Variants in RBMS3 observed in about 807,000 individuals in gnomAD.
RBMS3 encodes RNA-binding motif, single-stranded-interacting protein 3.
RBMS3 carries 27 observed loss-of-function variants against 66.8 expected under a neutral mutation model. The ratio of observed to expected loss-of-function variants is 0.40; its 90% confidence interval spans 0.30 to 0.56. The LOEUF is 0.56. Ranked by LOEUF, RBMS3 falls within the 20% of genes least tolerant of loss-of-function variation. RBMS3 has a pLI of 0.40. For missense variants in RBMS3, 513 were observed against 549.5 expected (o/e 0.93, Z 0.66); for synonymous variants, 188 against 183.0 (o/e 1.03, Z -0.22).
chr3:29,629,848 C>T (rs191982655), intron 4 of RBMS3, among the ~76,000 whole-genome samples: 210 of 152,194 alleles, frequency 1.4e-3, no homozygotes, highest in African/African-American at 5.0e-3. Context: ...ACGTGAATTT[C>T]TCAGTGTAAG....
intron 4 of RBMS3, among the ~76,000 whole-genome samples, chr3:29,632,669 A>T (rs368926200): frequency 1.3e-5 from 2 of 151,836 alleles, no homozygotes; most frequent in African/African-American, 4.8e-5. Context: ...AAGCCAAGGG[A>T]AATGACTAAA....
intron 8 of RBMS3, among the ~76,000 whole-genome samples, chr3:29,889,162 A>G (rs1258787132): frequency 6.6e-6 from 1 of 151,514 alleles, no homozygotes; most frequent in Non-Finnish European, 1.5e-5. Flanking sequence ...GGAACATCCC[A>G]TGCTACTTTG....
intron 4 of RBMS3, among the ~76,000 whole-genome samples, chr3:29,725,432 G>A (rs996425695): frequency 6.6e-6 from 1 of 152,050 alleles, no homozygotes; most frequent in African/African-American, 2.4e-5. Flanking sequence ...CCAGGAGCTG[G>A]TTTTTTGAAA....
intron 3 of RBMS3, among the ~76,000 whole-genome samples, chr3:29,560,793 A>G (rs2046523264): frequency 6.6e-6 from 1 of 152,096 alleles, no homozygotes; most frequent in Non-Finnish European, 1.5e-5. Context: ...TACATAGGTA[A>G]ACTTGTGTCA....
At chr3:29,611,368 A>G (rs562497279) in intron 4 of RBMS3, among the ~76,000 whole-genome samples, 3 of 152,094 alleles carry the variant, frequency 2.0e-5, no homozygotes, top group East Asian at 3.9e-4. Context: ...ACCAAAAAGG[A>G]GTCATTTAGA....
At chr3:30,003,362 G>T (rs1699697113) in intron 14 of RBMS3, among the ~76,000 whole-genome samples, 1 of 151,974 alleles carries the variant, frequency 6.6e-6, no homozygotes, top group African/African-American at 2.4e-5. Context: ...AATCTTGACA[G>T]GGGGAATGAA....
At chr3:29,772,205 C>T (rs1409559256) in intron 6 of RBMS3, among the ~76,000 whole-genome samples, 1 of 152,000 alleles carries the variant, frequency 6.6e-6, no homozygotes, top group African/African-American at 2.4e-5. Context: ...TAAACTTAGC[C>T]TTGCTGACAC....
intron 8 of RBMS3, among the ~76,000 whole-genome samples, chr3:29,884,539 A>G (rs1397827024): frequency 6.8e-6 from 1 of 146,660 alleles, no homozygotes; most frequent in Non-Finnish European, 1.5e-5. Flanking sequence ...GGCTGAGAGA[A>G]TAATAACTCT....
chr3:29,447,053 C>A (rs2041858682), intron 2 of RBMS3, among the ~76,000 whole-genome samples: 1 of 151,684 alleles, frequency 6.6e-6, no homozygotes, highest in Non-Finnish European at 1.5e-5. Flanking sequence ...GCTGGGATTG[C>A]AGGCATCTGC....
chr3:29,659,539 A>G lies in RBMS3; in HGVS notation c.399+72334A>G, dbSNP rs144342086. On this transcript the variant is annotated intron_variant, in intron 4 of 14. Transcript: ENST00000383767. ...AATGTAATATCCCCAAAGATCATGC[A>G]TGTTGTAGCATACATAAGAATTTTC... 4.6e-3 allele frequency among the ~76,000 whole-genome samples: 707 copies of G among 152,316 alleles called. 11 individuals are homozygous for G. Among genetic ancestry groups the G allele is most frequent in the South Asian group, 0.04 (193 of 4,826 alleles).
At position 29,804,920 on chromosome 3, in the gene RBMS3, C is replaced by CGTGTGTGTGT. The variant is rs10576635; in HGVS notation, c.637+41959_637+41968dup. On this transcript the variant is annotated intron_variant, in intron 6 of 14. Coordinates refer to ENST00000383767, the MANE Select transcript of RBMS3 (RefSeq NM_001003793.3). ...TTTCTGGGCAAAGAATCTGCGTGTACGTGTGTGTGTGTGTGTGTGTGTGTG... is the reference window on the plus strand; with the variant it reads ...TTTCTGGGCAAAGAATCTGCGTGTACGTGTGTGTGTGTGTGTGTGTGTGTGTGTGTGTGTG... 1.1e-3 allele frequency among the ~76,000 whole-genome samples: 155 copies of CGTGTGTGTGT among 146,436 alleles called. 1 individual carries two copies. Among genetic ancestry groups the CGTGTGTGTGT allele is most frequent in the African/African-American group, 3.1e-3 (123 of 39,734 alleles).
At chr3:29,898,734 TGC>T (rs1318225035) in intron 9 of RBMS3, among the ~76,000 whole-genome samples, 1 of 134,392 alleles carries the variant, frequency 7.4e-6, no homozygotes, top group Non-Finnish European at 1.6e-5. Flanking sequence ...GGTTGTAATG[TGC>T]GTGTGTGTGT....
intron 4 of RBMS3, among the ~76,000 whole-genome samples, chr3:29,647,560 T>G (rs1035087923): frequency 2.6e-5 from 4 of 152,038 alleles, no homozygotes; most frequent in African/African-American, 9.7e-5. Context: ...GGAAACAAAT[T>G]CACAAACTAA....
intron 1 of RBMS3, among the ~76,000 whole-genome samples, chr3:29,332,940 A>G (rs887208701): frequency 2.6e-5 from 4 of 152,164 alleles, no homozygotes; most frequent in Non-Finnish European, 5.9e-5. Context: ...ACTTCATACC[A>G]TTGTTGTAGA....
At chr3:29,571,660 T>C (rs1324722389) in intron 3 of RBMS3, among the ~76,000 whole-genome samples, 1 of 152,182 alleles carries the variant, frequency 6.6e-6, no homozygotes, top group African/African-American at 2.4e-5. Context: ...AGTACCATGC[T>C]GTTTTGGTTA....
At chr3:29,814,604 C>G (rs920354589) in intron 6 of RBMS3, among the ~76,000 whole-genome samples, 1 of 152,158 alleles carries the variant, frequency 6.6e-6, no homozygotes, top group African/African-American at 2.4e-5. Flanking sequence ...GTGAATCCAT[C>G]TGGTCCTGGA....
chr3:29,990,610 AATCTACTTAATAGCATCCTTT>A (rs1295456982), intron 13 of RBMS3, among the ~76,000 whole-genome samples: 1 of 152,180 alleles, frequency 6.6e-6, no homozygotes, highest in South Asian at 2.1e-4. Context: ...TGGAGAGAAA[AATCTACTTAATAGCATCCTTT>A]AAAAGATTTC....
At chr3:29,852,295 A>C (rs2058954753) in intron 6 of RBMS3, among the ~76,000 whole-genome samples, 1 of 152,242 alleles carries the variant, frequency 6.6e-6, no homozygotes, top group Non-Finnish European at 1.5e-5. Context: ...TTGCAACAAA[A>C]GCAAAAGTTG....
chr3:29,728,368 T>C (rs778311938), intron 4 of RBMS3, among the ~76,000 whole-genome samples: 1 of 152,150 alleles, frequency 6.6e-6, no homozygotes, highest in Non-Finnish European at 1.5e-5. Context: ...GAACTTAAAA[T>C]AACATCTAAA....
Sources: gnomAD v4.1 joint callset for allele counts (sites outside exome capture counted in the v4.1 genomes callset) on GRCh38, gnomAD v4.1.1 for gene constraint, MANE v1.5 for transcripts, NCBI Gene and HGNC (gene_info 2026-07-23, HGNC 2026-07-21) for gene names.